ANXA4: variants seen among roughly 807,000 people sequenced by gnomAD.
The protein encoded by ANXA4 is 35-beta calcimedin.
In ANXA4, 39 loss-of-function variants were observed where a neutral mutation model predicts 49.8. The observed-to-expected ratio is 0.78, with a 90% confidence interval of 0.61 to 1.02. The LOEUF (loss-of-function observed/expected upper bound fraction) is 1.02. Ranked by LOEUF, ANXA4 falls within the 50% of genes least tolerant of loss-of-function variation. The pLI, the probability that ANXA4 is intolerant of heterozygous loss-of-function variation, is 0.00. For missense variants in ANXA4, 360 were observed against 410.1 expected (o/e 0.88, Z 1.05); for synonymous variants, 134 against 152.5 (o/e 0.88, Z 0.89).
rs1005298016 is a variant in ANXA4, at chr2:69,826,701, C to G, written c.*1186C>G. 1 of 150,882 alleles carries G rather than the reference C, an allele frequency of 6.6e-6. No homozygotes were observed. The highest frequency in any genetic ancestry group is 1.5e-5 in the Non-Finnish European group (1 of 67,884). 9.3% of individuals were successfully genotyped at this position (150,882 alleles called of 1,614,324 possible). A position where few individuals can be genotyped will look rare whatever the true frequency, so the allele number is the denominator to read the frequency against. ...TCGGAGGCTGAGTCAGGGAGAACTG[C>G]TTGAACCCAGGAGGCAGGAGGCAAA... On this transcript the variant is annotated 3_prime_UTR_variant, in exon 13 of 13. Coordinates refer to ENST00000394295, the MANE Select transcript of ANXA4 (RefSeq NM_001153.5).
At chr2:69,653,995 T>C (rs769855511) in intron 2 of ANXA4, among the ~76,000 whole-genome samples, 3 of 152,244 alleles carry the variant, frequency 2.0e-5, no homozygotes, top group Non-Finnish European at 4.4e-5. Context: ...GAAGAGGTCC[T>C]TCACATCCCT....
chr2:69,757,815 T>C (rs1671124104), intron 1 of ANXA4, among the ~76,000 whole-genome samples: 1 of 151,774 alleles, frequency 6.6e-6, no homozygotes, highest in African/African-American at 2.4e-5. Context: ...AAAAATTAGC[T>C]GGGCATAGTG....
Position 69,804,530 on chromosome 2 carries a change from C to T in ANXA4, c.98-3C>T, listed in dbSNP as rs879147361. 1 of 1,613,020 alleles carries T rather than the reference C, an allele frequency of 6.2e-7. No individual in the cohort carries two copies. Among genetic ancestry groups the T allele is most frequent in the Non-Finnish European group, 8.5e-7 (1 of 1,179,194 alleles). On this transcript the variant is annotated splice_region_variant and splice_polypyrimidine_tract_variant and intron_variant, in intron 3 of 12. Transcript: ENST00000394295. ...TTACCTGCTGTCTCCCTTCTTCCCC[C>T]AGGCACCGATGAAGACGCCATTATT...
intron 2 of ANXA4, among the ~76,000 whole-genome samples, chr2:69,661,482 GA>G (rs141339759): frequency 9.4e-5 from 14 of 148,806 alleles, no homozygotes; most frequent in Admixed American, 1.3e-4. Context: ...CAGATCTACC[GA>G]AAAAAAAAAT....
chr2:69,683,633 A>C (rs1172153798), intron 2 of ANXA4, among the ~76,000 whole-genome samples: 3 of 151,966 alleles, frequency 2.0e-5, no homozygotes, highest in African/African-American at 7.3e-5. Context: ...CCCAACTCAG[A>C]CTGTTTTTCA....
intron 2 of ANXA4, among the ~76,000 whole-genome samples, chr2:69,663,391 T>C (rs1676808298): frequency 7.2e-6 from 1 of 138,632 alleles, no homozygotes; most frequent in Non-Finnish European, 1.5e-5. Context: ...GGGAAGGATC[T>C]GACAATAAAG....
intron 3 of ANXA4, among the ~76,000 whole-genome samples, chr2:69,723,022 A>AT (rs1553434905): frequency 1.0e-4 from 15 of 145,420 alleles, no homozygotes; most frequent in East Asian, 4.0e-4. Flanking sequence ...AATACCAAAA[A>AT]ATATATATAT....
intron 2 of ANXA4, among the ~76,000 whole-genome samples, chr2:69,696,406 T>C (rs908831903): frequency 2.0e-5 from 3 of 152,218 alleles, no homozygotes; most frequent in African/African-American, 4.8e-5. Flanking sequence ...CCAGTTCTCT[T>C]GCTATTTTCA....
At chr2:69,684,958 G>A (rs1004745659) in intron 2 of ANXA4, among the ~76,000 whole-genome samples, 1 of 152,200 alleles carries the variant, frequency 6.6e-6, no homozygotes, top group African/African-American at 2.4e-5. Flanking sequence ...CAAGTCCCCA[G>A]TTTTGAAGAA....
In ANXA4 at chr2:69,825,864, T is replaced by C. The variant is rs1359786000; in HGVS notation, c.*349T>C. On this transcript the variant is annotated 3_prime_UTR_variant, in exon 13 of 13. Transcript: ENST00000394295. ...TCTTTTCAGTGAAAAATTTTTTAAA[T>C]GGAAGACTGTTCTAAAATCACTTTT... is the stretch of plus-strand genomic sequence containing the variant. 5.9e-6 allele frequency: 1 copy of C among 170,074 alleles called. No individual in the cohort carries two copies. The highest frequency in any genetic ancestry group is 1.2e-5 in the Non-Finnish European group (1 of 80,272). 10.5% of individuals were successfully genotyped at this position (170,074 alleles called of 1,614,324 possible). A position where few individuals can be genotyped will look rare whatever the true frequency, so the allele number is the denominator to read the frequency against.
At chr2:69,659,424 T>G (rs879794818) in intron 2 of ANXA4, among the ~76,000 whole-genome samples, 11 of 152,210 alleles carry the variant, frequency 7.2e-5, no homozygotes, top group Non-Finnish European at 1.5e-4. Flanking sequence ...CATTGTATGC[T>G]TCTCTTATTT....
chr2:69,674,709 G>A (rs1317247304), intron 2 of ANXA4, among the ~76,000 whole-genome samples: 2 of 152,032 alleles, frequency 1.3e-5, no homozygotes, highest in African/African-American at 4.8e-5. Flanking sequence ...GTAAGCTTGG[G>A]AAAAGTTTCC....
chr2:69,650,097 G>A (rs781356974), intron 1 of ANXA4, among the ~76,000 whole-genome samples: 7 of 149,242 alleles, frequency 4.7e-5, no homozygotes, highest in South Asian at 2.1e-4. Flanking sequence ...CATCATGCCC[G>A]GCTAATTTTT....
At chr2:69,748,901 C>T (rs1197556160) in intron 1 of ANXA4, among the ~76,000 whole-genome samples, 1 of 151,864 alleles carries the variant, frequency 6.6e-6, no homozygotes, top group African/African-American at 2.4e-5. Context: ...TTTGTAGAGA[C>T]GAAGTTTTGC....
intron 2 of ANXA4, among the ~76,000 whole-genome samples, chr2:69,692,217 G>T (rs1450741440): frequency 6.6e-6 from 1 of 152,184 alleles, no homozygotes; most frequent in Admixed American, 6.5e-5. Context: ...AATTTCAGAA[G>T]ATTGCCTCAG....
chr2:69,739,026 TC>T (rs1454573465), upstream of ANXA4, among the ~76,000 whole-genome samples: 1 of 152,216 alleles, frequency 6.6e-6, no homozygotes, highest in Non-Finnish European at 1.5e-5. Flanking sequence ...ATGTCCCCAT[TC>T]CAGAGAGCCA....
chr2:69,695,581 G>T (rs913824752), intron 2 of ANXA4, among the ~76,000 whole-genome samples: 2 of 152,336 alleles, frequency 1.3e-5, no homozygotes, highest in Non-Finnish European at 2.9e-5. Flanking sequence ...CAACGAAGTG[G>T]AGGAGAAACC....
intron 1 of ANXA4, among the ~76,000 whole-genome samples, chr2:69,767,735 CT>C (rs1394129536): frequency 6.6e-6 from 1 of 152,146 alleles, no homozygotes; most frequent in Non-Finnish European, 1.5e-5. Context: ...TCAGATAAGT[CT>C]GGAAGAGGAC....
At chr2:69,694,290 C>A (rs1391805614) in intron 2 of ANXA4, among the ~76,000 whole-genome samples, 1 of 152,004 alleles carries the variant, frequency 6.6e-6, no homozygotes, top group East Asian at 1.9e-4. Context: ...TCCTGTGAAG[C>A]AGAAAGTAAG....
Sources: allele counts gnomAD v4.1 joint callset (sites outside exome capture counted in the v4.1 genomes callset), GRCh38; gene constraint gnomAD v4.1.1; transcripts MANE v1.5; gene names NCBI Gene and HGNC (gene_info 2026-07-23, HGNC 2026-07-21).